MAN1A1: variants seen among roughly 807,000 people sequenced by gnomAD.
MAN1A1 encodes the protein mannosidase alpha class 1A member 1, also known as mannosyl-oligosaccharide 1,2-alpha-mannosidase IA.
In MAN1A1, 29 loss-of-function variants were observed where a neutral mutation model predicts 70.8. The observed-to-expected ratio is 0.41, with a 90% CI of 0.31 to 0.56. The LOEUF is 0.56. MAN1A1 is among the 20% of genes least tolerant of loss of function. The probability of loss-of-function intolerance (pLI) is 0.29; values close to 1 mark genes in which losing one functional copy is unlikely to be tolerated. For missense variants in MAN1A1, 747 were observed against 841.3 expected, an observed-to-expected ratio of 0.89 and a Z score of 1.39; for synonymous variants, 349 against 330.1, an observed-to-expected ratio of 1.06 and a Z score of -0.62.
intron 5 of MAN1A1, among the ~76,000 whole-genome samples, chr6:119,249,197 C>T (rs922289517): frequency 6.6e-5 from 10 of 152,120 alleles, no homozygotes; most frequent in Non-Finnish European, 1.3e-4. Context: ...ACAGAATAAA[C>T]AGGGAATGGG....
chr6:119,191,406 C>T (rs530412162), intron 9 of MAN1A1, among the ~76,000 whole-genome samples: 1 of 148,498 alleles, frequency 6.7e-6, no homozygotes, highest in South Asian at 2.2e-4. Context: ...TTGCTACCTC[C>T]TAATAAAAAC....
chr6:119,348,858 T>A lies in MAN1A1; in HGVS notation c.208A>T (p.Ser70Cys), dbSNP rs1362938892. ...GGGCTGGAGTGGAACAGGACCCCGCTGAGCAGCTTGGAGGAGTCTGGCAGG... is the reference window on the plus strand; with the variant it reads ...GGGCTGGAGTGGAACAGGACCCCGCAGAGCAGCTTGGAGGAGTCTGGCAGG... ...FFLPDSSKLL[S>C]GVLFHSSPAL... Residue 70 changes from serine (S) to cysteine (C), a missense_variant, in exon 2 of 13, where the codon AGC becomes TGC. By Grantham distance (112) the Ser-to-Cys change is moderately radical. Transcript: ENST00000368468. The A allele has an allele frequency of 2.0e-6, 3 of 1,525,970 alleles. No homozygotes were observed. The highest frequency in any genetic ancestry group is 2.6e-6 in the Non-Finnish European group (3 of 1,138,668). The allele number at this position is 1,525,970 out of a possible 1,614,324, so 94.5% of individuals were successfully genotyped here. A position where few individuals can be genotyped will look rare whatever the true frequency, so the allele number is the denominator to read the frequency against.
chr6:119,308,237 A>T (rs1582790814), intron 2 of MAN1A1, among the ~76,000 whole-genome samples: 2 of 152,208 alleles, frequency 1.3e-5, no homozygotes, highest in African/African-American at 4.8e-5. Context: ...TCTCCAAGCT[A>T]GCCTGACTCC....
chr6:119,233,270 T>G (rs1483147247), intron 6 of MAN1A1, among the ~76,000 whole-genome samples: 1 of 152,218 alleles, frequency 6.6e-6, no homozygotes, highest in Non-Finnish European at 1.5e-5. Flanking sequence ...AGAAAACCTC[T>G]TTATCTAATC....
chr6:119,211,844 A>ATT (rs572097707), intron 6 of MAN1A1, among the ~76,000 whole-genome samples: 3 of 141,644 alleles, frequency 2.1e-5, no homozygotes, highest in African/African-American at 5.2e-5. Context: ...AATAGTAGGA[A>ATT]TTTTTTTTTT....
chr6:119,309,010 AGTTTC>A (rs1225784773), intron 2 of MAN1A1, among the ~76,000 whole-genome samples: 2 of 152,356 alleles, frequency 1.3e-5, no homozygotes, highest in East Asian at 3.9e-4. Context: ...CTAATTGGTT[AGTTTC>A]CTACATTTCA....
At chr6:119,316,181 T>C (rs1050671477) in intron 2 of MAN1A1, among the ~76,000 whole-genome samples, 3 of 149,798 alleles carry the variant, frequency 2.0e-5, no homozygotes, top group Non-Finnish European at 4.5e-5. Flanking sequence ...GTGGGTTTTT[T>C]TTTTTTTTTT....
At chr6:119,185,820 T>C (rs1773273891) in intron 11 of MAN1A1, among the ~76,000 whole-genome samples, 1 of 150,470 alleles carries the variant, frequency 6.6e-6, no homozygotes, top group African/African-American at 2.4e-5. Flanking sequence ...ACCATGATCA[T>C]GATCCACCCA....
intron 2 of MAN1A1, among the ~76,000 whole-genome samples, chr6:119,331,570 C>CATATATATATATATAT (rs10562938): frequency 0.011 from 1,337 of 117,730 alleles, 21 homozygotes; most frequent in Non-Finnish European, 0.016. Flanking sequence ...ACATATTATG[C>CATATATATATATATAT]ATATATATAT....
At chr6:119,350,516 T>C, upstream of MAN1A1, 3 of 985,380 alleles carry the variant, frequency 3.0e-6, no homozygotes, top group Non-Finnish European at 3.6e-6. Context: ...GTACTTTCAC[T>C]ATTCATTTAC....
intron 2 of MAN1A1, among the ~76,000 whole-genome samples, chr6:119,317,149 T>A (rs1158905461): frequency 6.6e-6 from 1 of 152,018 alleles, no homozygotes; most frequent in Non-Finnish European, 1.5e-5. Flanking sequence ...TTCCTATATA[T>A]CCTCTGTACC....
At chr6:119,319,605 C>T (rs934375234) in intron 2 of MAN1A1, among the ~76,000 whole-genome samples, 3 of 152,072 alleles carry the variant, frequency 2.0e-5, no homozygotes, top group African/African-American at 7.2e-5. Context: ...AGTTTGTCAG[C>T]AGAGGTGAAA....
chr6:119,227,350 T>C (rs568384251), intron 6 of MAN1A1, among the ~76,000 whole-genome samples: 46 of 152,356 alleles, frequency 3.0e-4, no homozygotes, highest in African/African-American at 1.1e-3. Flanking sequence ...TGGCAGTGTC[T>C]GCACAGACGT....
chr6:119,200,346 A>C (rs1366328625), intron 8 of MAN1A1, among the ~76,000 whole-genome samples: 2 of 152,202 alleles, frequency 1.3e-5, no homozygotes, highest in Admixed American at 6.5e-5. Context: ...CCTTGATTAT[A>C]GTCCTAAGGT....
chr6:119,320,175 T>C (rs1353061129), intron 2 of MAN1A1, among the ~76,000 whole-genome samples: 1 of 152,156 alleles, frequency 6.6e-6, no homozygotes, highest in Non-Finnish European at 1.5e-5. Context: ...GGTTTCACTA[T>C]GTTGGCCAGG....
intron 5 of MAN1A1, among the ~76,000 whole-genome samples, chr6:119,270,337 T>C (rs1000862995): frequency 6.6e-6 from 1 of 152,246 alleles, no homozygotes; most frequent in African/African-American, 2.4e-5. Flanking sequence ...TATGCTCATA[T>C]TAATATTTTC....
chr6:119,269,997 A>G (rs949655430), intron 5 of MAN1A1, among the ~76,000 whole-genome samples: 4 of 152,098 alleles, frequency 2.6e-5, no homozygotes, highest in Non-Finnish European at 5.9e-5. Flanking sequence ...GTGGATTTTA[A>G]TCTATTATAG....
intron 6 of MAN1A1, among the ~76,000 whole-genome samples, chr6:119,238,393 A>G (rs1774913871): frequency 6.6e-6 from 1 of 152,272 alleles, no homozygotes. Context: ...TTTAAAAGAA[A>G]GAAACATACA....
intron 2 of MAN1A1, among the ~76,000 whole-genome samples, chr6:119,334,925 G>A (rs1773413123): frequency 6.6e-6 from 1 of 152,148 alleles, no homozygotes; most frequent in African/African-American, 2.4e-5. Context: ...ACATATCTGA[G>A]TGTTGTGTGA....
Sources: gnomAD v4.1 joint callset for allele counts (sites outside exome capture counted in the v4.1 genomes callset) on GRCh38, gnomAD v4.1.1 for gene constraint, MANE v1.5 for transcripts, NCBI Gene and HGNC (gene_info 2026-07-23, HGNC 2026-07-21) for gene names.